The following LHFPL6 variants were observed in gnomAD, a reference collection of about 807,000 sequenced individuals.
The protein encoded by LHFPL6 is LHFPL tetraspan subfamily member 6 protein.
LHFPL6 carries 9 observed loss-of-function variants against 20.6 expected under a neutral mutation model. The observed-to-expected ratio is 0.44, with a 90% CI of 0.26 to 0.76. LHFPL6 has a LOEUF of 0.76. Among genes scored for constraint, LHFPL6 ranks in the 30% least tolerant of loss-of-function variants. The probability of loss-of-function intolerance (pLI) is 0.20; values close to 1 mark genes in which losing one functional copy is unlikely to be tolerated. For missense variants in LHFPL6, 218 were observed against 253.5 expected (o/e 0.86, Z 0.95); for synonymous variants, 105 against 98.7 (o/e 1.06, Z -0.38).
chr13:39,530,176 G>T (rs1870419254), intron 2 of LHFPL6, among the ~76,000 whole-genome samples: 1 of 151,542 alleles, frequency 6.6e-6, no homozygotes, highest in African/African-American at 2.4e-5. Context: ...CAGCTACTCA[G>T]GAGGCTTAAA....
chr13:39,588,580 C>T (rs933861761), intron 2 of LHFPL6, among the ~76,000 whole-genome samples: 72 of 152,304 alleles, frequency 4.7e-4, no homozygotes, highest in Admixed American at 1.3e-4. Context: ...GACACACCAT[C>T]GTTTCAACAT....
intron 2 of LHFPL6, among the ~76,000 whole-genome samples, chr13:39,477,321 C>T (rs1337230539): frequency 6.6e-6 from 1 of 152,180 alleles, no homozygotes; most frequent in African/African-American, 2.4e-5. Context: ...GCTGATAGCA[C>T]TTTATGCACT....
chr13:39,411,260 C>T (rs1871236082), intron 2 of LHFPL6, among the ~76,000 whole-genome samples: 1 of 152,144 alleles, frequency 6.6e-6, no homozygotes, highest in Admixed American at 6.5e-5. Flanking sequence ...TCCACACCAA[C>T]CTGAGAAGTT....
At chr13:39,515,729 T>A (rs1391203149) in intron 2 of LHFPL6, among the ~76,000 whole-genome samples, 1 of 152,158 alleles carries the variant, frequency 6.6e-6, no homozygotes, top group Non-Finnish European at 1.5e-5. Flanking sequence ...TTGTCTTCCC[T>A]GCCATACAGA....
At chr13:39,397,217 A>C (rs569136284) in intron 2 of LHFPL6, among the ~76,000 whole-genome samples, 2 of 152,268 alleles carry the variant, frequency 1.3e-5, no homozygotes, top group South Asian at 4.2e-4. Flanking sequence ...CCCCATCCTC[A>C]AATGTCTTAA....
chr13:39,451,005 G>A (rs1872430406), intron 2 of LHFPL6, among the ~76,000 whole-genome samples: 1 of 152,062 alleles, frequency 6.6e-6, no homozygotes, highest in Non-Finnish European at 1.5e-5. Flanking sequence ...ACCACGAAGA[G>A]TTTTATTCTA....
chr13:39,443,662 G>A (rs570595479), intron 2 of LHFPL6, among the ~76,000 whole-genome samples: 4 of 152,120 alleles, frequency 2.6e-5, no homozygotes, highest in African/African-American at 7.2e-5. Context: ...AATATGGAGT[G>A]TAAGGGCCAT....
intron 2 of LHFPL6, among the ~76,000 whole-genome samples, chr13:39,449,353 G>A (rs1331036297): frequency 1.3e-5 from 2 of 152,224 alleles, no homozygotes; most frequent in Admixed American, 1.3e-4. Context: ...TAAAAGGTTA[G>A]TGTTATAATA....
At chr13:39,426,140 A>C (rs76528380) in intron 2 of LHFPL6, among the ~76,000 whole-genome samples, 4,289 of 152,274 alleles carry the variant, frequency 0.028, 174 homozygotes, top group African/African-American at 0.09. Context: ...GAAATTCTGT[A>C]ACCATCAAGC....
intron 2 of LHFPL6, among the ~76,000 whole-genome samples, chr13:39,590,759 T>C (rs1872569648): frequency 6.6e-6 from 1 of 152,206 alleles, no homozygotes; most frequent in African/African-American, 2.4e-5. Flanking sequence ...TGAGTGTGGT[T>C]TTTGAGTTCT....
chr13:39,422,736 G>A (rs55780301), intron 2 of LHFPL6, among the ~76,000 whole-genome samples: 27,349 of 152,106 alleles, frequency 0.18, 2,938 homozygotes, highest in East Asian at 0.38. Context: ...AGCCTCATTT[G>A]TGTGGCTTGT....
rs957489178 is a variant in LHFPL6, at chr13:39,603,163, G to A, written c.-455C>T. On this transcript the variant is annotated 5_prime_UTR_variant, in exon 1 of 4. Transcript: ENST00000379589. ...CGCTGTGGGCGCGCGCGGGCGCCGG[G>A]GATCGCACGCAGAGGAGCGGATCTC... The A allele has an allele frequency of 6.6e-6, 1 of 152,346 alleles. No homozygotes were observed. Among genetic ancestry groups the A allele is most frequent in the African/African-American group, 2.4e-5 (1 of 41,448 alleles). The allele number at this position is 152,346 out of a possible 1,614,324, so 9.4% of individuals were successfully genotyped here.
Position 39,352,908 on chromosome 13 carries a change from A to T in LHFPL6, c.485-8854T>A, listed in dbSNP as rs902088430. 2.6e-3 allele frequency among the ~76,000 whole-genome samples: 81 copies of T among 31,650 alleles called. 19 individuals are homozygous for T. The highest frequency in any genetic ancestry group is 0.012 in the Middle Eastern group (1 of 86). 20.8% of individuals were successfully genotyped at this position (31,650 alleles called of 152,430 possible). ...GTATATATATGTGTATATATATATAAATGTATATATATATAAATGTATATA... is the reference window on the plus strand; with the variant it reads ...GTATATATATGTGTATATATATATATATGTATATATATATAAATGTATATA... On this transcript the variant is annotated intron_variant, in intron 3 of 3. Transcript: ENST00000379589.
intron 2 of LHFPL6, among the ~76,000 whole-genome samples, chr13:39,539,502 C>G (rs1244841483): frequency 6.6e-6 from 1 of 152,142 alleles, no homozygotes; most frequent in African/African-American, 2.4e-5. Flanking sequence ...CCACTGCAAC[C>G]CAGCTCATTC....
chr13:39,435,424 T>C (rs1030744320), intron 2 of LHFPL6, among the ~76,000 whole-genome samples: 1 of 152,202 alleles, frequency 6.6e-6, no homozygotes, highest in Admixed American at 6.5e-5. Context: ...CTTGGCAGCT[T>C]CTCAATACTT....
At chr13:39,525,866 C>T (rs74845790) in intron 2 of LHFPL6, among the ~76,000 whole-genome samples, 15 of 149,366 alleles carry the variant, frequency 1.0e-4, no homozygotes, top group Non-Finnish European at 1.5e-4. Flanking sequence ...ATAATTTTTC[C>T]TTTTTTTTTT....
chr13:39,449,140 TCA>T (rs1347565333), intron 2 of LHFPL6, among the ~76,000 whole-genome samples: 6 of 152,218 alleles, frequency 3.9e-5, no homozygotes, highest in African/African-American at 1.2e-4. Context: ...CCTCCAGCAC[TCA>T]CAGATACAGA....
intron 2 of LHFPL6, among the ~76,000 whole-genome samples, chr13:39,473,625 C>G (rs1364198743): frequency 6.6e-6 from 1 of 152,106 alleles, no homozygotes; most frequent in Non-Finnish European, 1.5e-5. Context: ...GATCTTCTTT[C>G]TTTCGGATAC....
chr13:39,562,425 T>TATATAC (rs1354159104), intron 2 of LHFPL6, among the ~76,000 whole-genome samples: 130 of 99,016 alleles, frequency 1.3e-3, no homozygotes, highest in East Asian at 4.0e-3. Context: ...CACATATACA[T>TATATAC]ATATACATAT....
Sources: gnomAD v4.1 joint callset for allele counts (sites outside exome capture counted in the v4.1 genomes callset) on GRCh38, gnomAD v4.1.1 for gene constraint, MANE v1.5 for transcripts, NCBI Gene and HGNC (gene_info 2026-07-23, HGNC 2026-07-21) for gene names.